The following NUTM2B variants were observed in gnomAD, a reference collection of about 807,000 sequenced individuals.
NUTM2B encodes NUT family member 2B, also known as family with sequence similarity 22, member B.
In NUTM2B, 2 loss-of-function variants were observed where a neutral mutation model predicts 42.4. That is an observed-to-expected ratio of 0.05 (90% CI 0.02 to 0.15). The LOEUF is 0.15. NUTM2B is among the 10% of genes least tolerant of loss of function. NUTM2B has a pLI of 1.00. For synonymous variants in NUTM2B, 18 were observed against 402.4 expected (o/e 0.04, Z 11.43); for missense variants, 58 against 952.6 (o/e 0.06, Z 12.36).
At chr10:79,697,736 CAAA>C in the NUTM2B span, among the ~76,000 whole-genome samples, 583 of 128,392 alleles carry the variant, frequency 4.5e-3, 4 homozygotes, top group African/African-American at 0.016. Flanking sequence ...GGCATAGGCT[CAAA>C]AAAAAAAAAA....
At chr10:79,695,640 C>T in the NUTM2B span, among the ~76,000 whole-genome samples, 3 of 152,160 alleles carry the variant, frequency 2.0e-5, no homozygotes, top group South Asian at 4.1e-4. Flanking sequence ...TCTCGTGGAA[C>T]GTATGTTAGA....
At chr10:79,709,107 G>A (rs1048518786) in intron 3 of NUTM2B, among the ~76,000 whole-genome samples, 5 of 110,538 alleles carry the variant, frequency 4.5e-5, no homozygotes, top group Non-Finnish European at 3.4e-5. Flanking sequence ...ACAGCCCAAA[G>A]TGGGTCACCT....
the NUTM2B span, among the ~76,000 whole-genome samples, chr10:79,695,004 G>A: frequency 6.6e-6 from 1 of 152,308 alleles, no homozygotes; most frequent in Non-Finnish European, 1.5e-5. Context: ...CCAGGCCGGA[G>A]CGAATCTGGC....
the NUTM2B span, among the ~76,000 whole-genome samples, chr10:79,692,534 A>G: frequency 6.6e-6 from 1 of 152,188 alleles, no homozygotes; most frequent in Non-Finnish European, 1.5e-5. Flanking sequence ...GGGAGTGCTG[A>G]GTGCAGAGAA....
At chr10:79,702,157 T>C (rs1382597768), upstream of NUTM2B, among the ~76,000 whole-genome samples, 7 of 151,746 alleles carry the variant, frequency 4.6e-5, no homozygotes, top group African/African-American at 1.5e-4. Context: ...AAGTTTACCA[T>C]GATTTTGCTT....
chr10:79,709,333 C>G (rs1840446691), intron 3 of NUTM2B, among the ~76,000 whole-genome samples: 1 of 136,088 alleles, frequency 7.3e-6, no homozygotes, highest in Non-Finnish European at 1.6e-5. Context: ...GACAGATAGA[C>G]AGCAGCCTCA....
chr10:79,699,024 C>T (rs150874398), upstream of NUTM2B, among the ~76,000 whole-genome samples: 8 of 151,244 alleles, frequency 5.3e-5, no homozygotes, highest in Middle Eastern at 3.4e-3. Context: ...TAACTGCACA[C>T]GTTCATCCTA....
chr10:79,711,893 A>G, exon 7 of NUTM2B: 1 of 1,514,846 alleles, frequency 6.6e-7, no homozygotes, highest in Middle Eastern at 2.1e-4. Flanking sequence ...CGGGACTCTC[A>G]GGGACGAGGC....
chr10:79,700,780 C>A (rs1441391519), upstream of NUTM2B, among the ~76,000 whole-genome samples: 1 of 152,212 alleles, frequency 6.6e-6, no homozygotes, highest in African/African-American at 2.4e-5. Flanking sequence ...GCCGGCCTCG[C>A]GCTGGAACCT....
upstream of NUTM2B, among the ~76,000 whole-genome samples, chr10:79,700,929 C>T (rs1327320568): frequency 1.3e-5 from 2 of 152,224 alleles, no homozygotes; most frequent in African/African-American, 4.8e-5. Flanking sequence ...CTCATTGGAA[C>T]CTCCATGACC....
chr10:79,692,834 C>T, the NUTM2B span, among the ~76,000 whole-genome samples: 1 of 152,282 alleles, frequency 6.6e-6, no homozygotes, highest in East Asian at 1.9e-4. Flanking sequence ...CTTAAATATC[C>T]CAATTCTAAC....
upstream of NUTM2B, among the ~76,000 whole-genome samples, chr10:79,701,367 A>C (rs1057112341): frequency 5.9e-5 from 9 of 151,924 alleles, 1 homozygote; most frequent in African/African-American, 1.9e-4. Flanking sequence ...CACACTCCCC[A>C]TCCCTGACTC....
chr10:79,698,443 AT>A (rs1202030546), upstream of NUTM2B, among the ~76,000 whole-genome samples: 1 of 142,540 alleles, frequency 7.0e-6, no homozygotes, highest in African/African-American at 2.6e-5. Flanking sequence ...GACTTAGATA[AT>A]TCATCTATCT....
chr10:79,701,556 T>G (rs447548), upstream of NUTM2B, among the ~76,000 whole-genome samples: 13 of 151,768 alleles, frequency 8.6e-5, no homozygotes, highest in East Asian at 1.9e-4. Flanking sequence ...GTTGATGCAG[T>G]CCCAGGGCCT....
chr10:79,693,244 T>C, the NUTM2B span, among the ~76,000 whole-genome samples: 3 of 152,202 alleles, frequency 2.0e-5, no homozygotes, highest in Non-Finnish European at 4.4e-5. Context: ...ACAGCCTCCT[T>C]TGAAGGGGCA....
At chr10:79,702,039 C>T (rs1423606324), upstream of NUTM2B, among the ~76,000 whole-genome samples, 1 of 148,816 alleles carries the variant, frequency 6.7e-6, no homozygotes, top group Admixed American at 6.7e-5. Context: ...GCTTCAACAT[C>T]CCTCTTAGAT....
At chr10:79,700,759 G>T (rs1359524906), upstream of NUTM2B, among the ~76,000 whole-genome samples, 5 of 152,248 alleles carry the variant, frequency 3.3e-5, no homozygotes, top group Non-Finnish European at 7.3e-5. Context: ...CGCTGGGAGC[G>T]GTTGAGGGCG....
intron 5 of NUTM2B, among the ~76,000 whole-genome samples, 173 bp downstream of exon 5, chr10:79,710,937 G>C (rs1271772072): frequency 3.7e-5 from 5 of 134,290 alleles, no homozygotes; most frequent in Non-Finnish European, 8.0e-5. Flanking sequence ...TGTGTCTGTG[G>C]TTTGTTACTG....
the NUTM2B span, among the ~76,000 whole-genome samples, chr10:79,693,763 A>G: frequency 6.6e-6 from 1 of 152,192 alleles, no homozygotes; most frequent in South Asian, 2.1e-4. Flanking sequence ...CCAACAAAAC[A>G]CAATACAACT....
Sources: gnomAD v4.1 joint callset for allele counts (sites outside exome capture counted in the v4.1 genomes callset) on GRCh38, gnomAD v4.1.1 for gene constraint, MANE v1.5 for transcripts, NCBI Gene and HGNC (gene_info 2026-07-23, HGNC 2026-07-21) for gene names.